INPP4B: variants seen among roughly 807,000 people sequenced by gnomAD.
INPP4B encodes inositol polyphosphate 4-phosphatase type II.
Under a neutral mutation model 122.5 loss-of-function variants are expected in INPP4B, and 55 were observed. The observed-to-expected ratio is 0.45, with a 90% CI of 0.36 to 0.56. INPP4B has a LOEUF of 0.56. INPP4B is among the 20% of genes least tolerant of loss of function. INPP4B has a pLI of 0.00. For missense variants in INPP4B, 1,000 were observed against 1,097.7 expected, an observed-to-expected ratio of 0.91 and a Z score of 1.26; for synonymous variants, 403 against 388.7, an observed-to-expected ratio of 1.04 and a Z score of -0.43.
rs578042807 is a variant in INPP4B, at chr4:142,483,058, A to C, written c.-190-20332T>G. On this transcript the variant is annotated intron_variant, in intron 2 of 25. Transcript: ENST00000262992. ...AGTTTTTGGCTTCTTCTTTATGCAT[A>C]GTCCCCCCAAAATAAGGAGTCTGCA... Among the ~76,000 whole-genome samples, 11 of 152,134 alleles carry C rather than the reference A, an allele frequency of 7.2e-5. No homozygotes were observed. The South Asian group carries it at 2.3e-3, about 32-fold the overall frequency.
chr4:142,493,233 TCATGGAGAACCTCTGCTAGGG>T (rs1274639505), intron 2 of INPP4B, among the ~76,000 whole-genome samples: 3 of 152,208 alleles, frequency 2.0e-5, no homozygotes, highest in African/African-American at 7.2e-5. Flanking sequence ...GGTGGAACCC[TCATGGAGAACCTCTGCTAGGG>T]CATGGAGAAC....
intron 1 of INPP4B, among the ~76,000 whole-genome samples, chr4:142,823,062 G>T (rs554107454): frequency 6.1e-4 from 93 of 152,168 alleles, no homozygotes; most frequent in South Asian, 3.5e-3. Flanking sequence ...GTGACACACT[G>T]GCAGTAAAAT....
At chr4:142,744,910 C>T (rs1201542322) in intron 1 of INPP4B, among the ~76,000 whole-genome samples, 1 of 151,474 alleles carries the variant, frequency 6.6e-6, no homozygotes, top group Admixed American at 6.6e-5. Flanking sequence ...AAGCAATAAT[C>T]GTTTCACAAG....
chr4:142,799,474 T>C (rs964988348), intron 1 of INPP4B, among the ~76,000 whole-genome samples: 2 of 151,938 alleles, frequency 1.3e-5, no homozygotes, highest in African/African-American at 4.8e-5. Context: ...ACACAGCTAA[T>C]ATTTTGCATT....
chr4:142,789,256 T>C (rs1031249345), intron 1 of INPP4B, among the ~76,000 whole-genome samples: 3 of 151,978 alleles, frequency 2.0e-5, no homozygotes, highest in African/African-American at 7.2e-5. Context: ...GAGAAAGAAA[T>C]AAGGGGCATC....
intron 18 of INPP4B, among the ~76,000 whole-genome samples, chr4:142,129,218 C>T (rs1287519032): frequency 1.3e-5 from 2 of 152,080 alleles, no homozygotes; most frequent in Non-Finnish European, 2.9e-5. Flanking sequence ...GAACACAGAC[C>T]AAACTTACAG....
intron 12 of INPP4B, among the ~76,000 whole-genome samples, chr4:142,233,417 CA>C (rs1391806073): frequency 1.3e-5 from 2 of 152,156 alleles, no homozygotes; most frequent in East Asian, 1.9e-4. Flanking sequence ...TAAAGTTTCT[CA>C]GGCACAACTT....
Position 142,076,619 on chromosome 4 carries a change from C to T in INPP4B, c.2642+5412G>A, listed in dbSNP as rs144182098. Among the ~76,000 whole-genome samples, 335 of 152,038 alleles carry T rather than the reference C, an allele frequency of 2.2e-3. 1 individual carries two copies. The highest frequency in any genetic ancestry group is 7.4e-3 in the African/African-American group (309 of 41,516). On this transcript the variant is annotated intron_variant, in intron 25 of 25. Coordinates refer to ENST00000262992, the MANE Select transcript of INPP4B (RefSeq NM_001101669.3). Reference sequence around the variant, plus strand: ...ATCATGGAAGACCTGTTCCCAATTACGATGTTCCCTACAAACACATCCCTT... The same window carrying T: ...ATCATGGAAGACCTGTTCCCAATTATGATGTTCCCTACAAACACATCCCTT...
intron 7 of INPP4B, among the ~76,000 whole-genome samples, chr4:142,376,253 C>T (rs917624863): frequency 1.3e-5 from 2 of 151,896 alleles, no homozygotes; most frequent in Admixed American, 6.6e-5. Context: ...TTCTTCTTCC[C>T]ACCTGACTAT....
chr4:142,358,143 C>T (rs1784224730), intron 7 of INPP4B, among the ~76,000 whole-genome samples: 2 of 151,806 alleles, frequency 1.3e-5, no homozygotes, highest in Non-Finnish European at 2.9e-5. Flanking sequence ...TTTTAATGAA[C>T]CTTTAGTTTT....
intron 2 of INPP4B, among the ~76,000 whole-genome samples, chr4:142,699,553 G>T (rs772609706): frequency 3.9e-5 from 6 of 152,062 alleles, no homozygotes; most frequent in Middle Eastern, 3.2e-3. Context: ...GGCCAGCGTT[G>T]CTTTATATCC....
intron 18 of INPP4B, 60 bp from the exon 19 acceptor site, chr4:142,124,820 C>A: frequency 1.6e-6 from 2 of 1,239,792 alleles, no homozygotes; most frequent in African/African-American, 1.5e-5. Flanking sequence ...GAATATAATG[C>A]AGAACCAACT....
intron 1 of INPP4B, among the ~76,000 whole-genome samples, chr4:142,761,699 A>T (rs961911908): frequency 6.6e-6 from 1 of 152,210 alleles, no homozygotes; most frequent in Non-Finnish European, 1.5e-5. Context: ...AGAAATAGAA[A>T]GATTGCACCA....
chr4:142,365,617 C>T (rs72941185), intron 7 of INPP4B, among the ~76,000 whole-genome samples: 2,768 of 152,170 alleles, frequency 0.018, 77 homozygotes, highest in African/African-American at 0.063. Flanking sequence ...CAATTAAATG[C>T]GATGTGTATT....
intron 16 of INPP4B, among the ~76,000 whole-genome samples, chr4:142,170,762 G>A (rs1486724392): frequency 1.3e-5 from 2 of 151,816 alleles, no homozygotes; most frequent in South Asian, 4.2e-4. Flanking sequence ...TGGAATTCCT[G>A]GGAAGAACAG....
intron 2 of INPP4B, among the ~76,000 whole-genome samples, chr4:142,604,068 T>A (rs1348094042): frequency 1.3e-5 from 2 of 152,072 alleles, no homozygotes; most frequent in African/African-American, 4.8e-5. Context: ...CAAGGATGGT[T>A]CAATACACGC....
chr4:142,545,759 G>A (rs28380334), intron 2 of INPP4B, among the ~76,000 whole-genome samples: 4,772 of 70,472 alleles, frequency 0.068, 116 homozygotes, highest in Non-Finnish European at 0.11. Flanking sequence ...ATATACACAT[G>A]TATATGTGTG....
chr4:142,517,960 G>A (rs550937952), intron 2 of INPP4B, among the ~76,000 whole-genome samples: 70 of 152,256 alleles, frequency 4.6e-4, no homozygotes, highest in African/African-American at 1.6e-3. Flanking sequence ...ATTACTCACT[G>A]TCTTTACTAA....
chr4:142,366,565 G>A (rs1162931372), intron 7 of INPP4B, among the ~76,000 whole-genome samples: 5 of 152,026 alleles, frequency 3.3e-5, no homozygotes, highest in Admixed American at 6.6e-5. Flanking sequence ...TAGGCAAATC[G>A]TCACCAATAA....
Sources: allele counts gnomAD v4.1 joint callset (sites outside exome capture counted in the v4.1 genomes callset), GRCh38; gene constraint gnomAD v4.1.1; transcripts MANE v1.5; gene names NCBI Gene and HGNC (gene_info 2026-07-23, HGNC 2026-07-21).